The following GLIS3 variants were observed in gnomAD, a reference collection of about 807,000 sequenced individuals.
GLIS3 encodes zinc finger protein GLIS3.
GLIS3 carries 53 observed loss-of-function variants against 78.6 expected under a neutral mutation model. The ratio of observed to expected loss-of-function variants is 0.67; its 90% confidence interval spans 0.54 to 0.85. The LOEUF is 0.85. Ranked by LOEUF, GLIS3 falls within the 40% of genes least tolerant of loss-of-function variation. GLIS3 has a pLI of 0.00. For missense variants in GLIS3, 1,703 were observed against 1,231.1 expected, an observed-to-expected ratio of 1.38 and a Z score of -5.74; for synonymous variants, 684 against 509.9, an observed-to-expected ratio of 1.34 and a Z score of -4.60.
intron 2 of GLIS3, among the ~76,000 whole-genome samples, chr9:4,253,016 C>T (rs1163807391): frequency 6.6e-6 from 1 of 152,208 alleles, no homozygotes; most frequent in Non-Finnish European, 1.5e-5. Context: ...TGCCAGATGC[C>T]AGCTGAAGCT....
chr9:4,368,338 GTTTTT>G, the GLIS3 span, among the ~76,000 whole-genome samples: 2 of 135,178 alleles, frequency 1.5e-5, no homozygotes, highest in Non-Finnish European at 3.2e-5. Flanking sequence ...CAAGAACCCT[GTTTTT>G]TTTTTTTTTT....
chr9:3,890,380 C>T (rs955234774), intron 7 of GLIS3, among the ~76,000 whole-genome samples: 1 of 152,168 alleles, frequency 6.6e-6, no homozygotes. Flanking sequence ...TATGTCAGCA[C>T]ATCCATTACT....
intron 2 of GLIS3, among the ~76,000 whole-genome samples, chr9:4,271,250 C>G (rs1826481158): frequency 6.6e-6 from 1 of 152,146 alleles, no homozygotes; most frequent in Admixed American, 6.6e-5. Flanking sequence ...TGTCAGCACA[C>G]AGTATACAAT....
intron 2 of GLIS3, among the ~76,000 whole-genome samples, chr9:4,191,277 T>C (rs1818311223): frequency 6.6e-6 from 1 of 152,194 alleles, no homozygotes; most frequent in Admixed American, 6.5e-5. Flanking sequence ...GTGTGCTGTA[T>C]TTAGGAGTTT....
chr9:4,185,872 G>C (rs539535137), intron 2 of GLIS3, among the ~76,000 whole-genome samples: 1 of 152,302 alleles, frequency 6.6e-6, no homozygotes, highest in African/African-American at 2.4e-5. Context: ...AGGCAGCCCA[G>C]GGACATGTTC....
chr9:3,831,151 A>C (rs1257339010), intron 9 of GLIS3, among the ~76,000 whole-genome samples: 1 of 150,448 alleles, frequency 6.6e-6, no homozygotes, highest in African/African-American at 2.4e-5. Context: ...TCAAAAGAAA[A>C]ATCCACATAC....
chr9:4,226,041 A>T lies in GLIS3; in HGVS notation c.388+59997T>A, dbSNP rs367562585. ...ATATGTGGGTAATAGGTAATGTTCC[A>T]GCACATTTAAATCGTTATTCAGGAA... On this transcript the variant is annotated intron_variant, in intron 2 of 10. Coordinates refer to ENST00000381971, the MANE Select transcript of GLIS3 (RefSeq NM_001042413.2). Among the ~76,000 whole-genome samples the T allele has an allele frequency of 6.6e-5, 10 of 152,340 alleles. No homozygotes were observed. The East Asian group carries it at 9.6e-4, about 15-fold the overall frequency.
chr9:4,386,715 G>C, the GLIS3 span, among the ~76,000 whole-genome samples: 1 of 152,166 alleles, frequency 6.6e-6, no homozygotes, highest in Non-Finnish European at 1.5e-5. Context: ...TAAATGGAAA[G>C]GATGACATAA....
the GLIS3 span, among the ~76,000 whole-genome samples, chr9:4,375,257 T>C: frequency 6.6e-6 from 1 of 152,194 alleles, no homozygotes; most frequent in East Asian, 1.9e-4. Flanking sequence ...AACATCAGAA[T>C]GACAAATATC....
At chr9:4,174,520 G>T (rs1816652251) in intron 2 of GLIS3, among the ~76,000 whole-genome samples, 1 of 152,108 alleles carries the variant, frequency 6.6e-6, no homozygotes, top group South Asian at 2.1e-4. Context: ...ATCATCAAAA[G>T]AAAAAGAGGA....
chr9:3,970,944 G>A (rs907466196), intron 4 of GLIS3, among the ~76,000 whole-genome samples: 1 of 151,632 alleles, frequency 6.6e-6, no homozygotes, highest in African/African-American at 2.4e-5. Context: ...GGATGGGGAA[G>A]AAGAAATGGA....
chr9:4,385,816 A>AAGAG, the GLIS3 span, among the ~76,000 whole-genome samples: 2 of 42,194 alleles, frequency 4.7e-5, no homozygotes, highest in African/African-American at 1.8e-4. Context: ...AAAGAAAAGA[A>AAGAG]AGAAAGAGAA....
At chr9:3,919,898 G>T (rs1008766642) in intron 6 of GLIS3, among the ~76,000 whole-genome samples, 2 of 151,552 alleles carry the variant, frequency 1.3e-5, no homozygotes, top group African/African-American at 2.4e-5. Context: ...CAGCAAACGG[G>T]TATTTGGTGA....
At chr9:4,116,449 T>C (rs1168800614) in intron 4 of GLIS3, among the ~76,000 whole-genome samples, 3 of 152,218 alleles carry the variant, frequency 2.0e-5, no homozygotes, top group Non-Finnish European at 4.4e-5. Context: ...AGGTTTTCCT[T>C]GAGAAAAATC....
At chr9:4,481,699 G>C in the GLIS3 span, among the ~76,000 whole-genome samples, 2 of 152,078 alleles carry the variant, frequency 1.3e-5, no homozygotes, top group Non-Finnish European at 2.9e-5. Context: ...CAGTTAAGTT[G>C]TTTCCAGCTG....
intron 4 of GLIS3, among the ~76,000 whole-genome samples, chr9:4,032,671 C>T (rs1823946748): frequency 6.6e-6 from 1 of 152,120 alleles, no homozygotes; most frequent in African/African-American, 2.4e-5. Context: ...TCAAGTTAGA[C>T]ATGCTTCAAC....
At chr9:3,838,009 G>T (rs919431159) in intron 9 of GLIS3, among the ~76,000 whole-genome samples, 2 of 151,602 alleles carry the variant, frequency 1.3e-5, no homozygotes, top group Non-Finnish European at 2.9e-5. Context: ...GTGGGGGGAG[G>T]AGGGTGTGTG....
rs186634907 is a variant in GLIS3, at chr9:4,037,438, T to C, written c.1710+80330A>G. Among the ~76,000 whole-genome samples, 30 of 152,250 alleles carry C rather than the reference T, an allele frequency of 2.0e-4. No homozygotes were observed. In the East Asian group the frequency reaches 2.9e-3, roughly 15 times the overall value. ...AGCTACATTTTTACCTGAGCAAGGA[T>C]TGGCATATAATAAATGTTATACACA... On this transcript the variant is annotated intron_variant, in intron 4 of 10. Coordinates refer to ENST00000381971, the MANE Select transcript of GLIS3 (RefSeq NM_001042413.2).
chr9:4,444,898 C>G, the GLIS3 span, among the ~76,000 whole-genome samples: 1 of 152,188 alleles, frequency 6.6e-6, no homozygotes. Context: ...CAGTTTAGCT[C>G]CTTCCTGCCT....
Sources: allele counts gnomAD v4.1 joint callset (sites outside exome capture counted in the v4.1 genomes callset), GRCh38; gene constraint gnomAD v4.1.1; transcripts MANE v1.5; gene names NCBI Gene and HGNC (gene_info 2026-07-23, HGNC 2026-07-21).